ZYG11A: variants seen among roughly 807,000 people sequenced by gnomAD.
The protein encoded by ZYG11A is protein zyg-11 homolog A.
In ZYG11A, 62 loss-of-function variants were observed where a neutral mutation model predicts 77.2. The observed-to-expected ratio is 0.80, with a 90% CI of 0.65 to 0.99. ZYG11A has a LOEUF of 0.99. Among genes scored for constraint, ZYG11A ranks in the 50% least tolerant of loss-of-function variants. The probability of loss-of-function intolerance (pLI) is 0.00; values close to 1 mark genes in which losing one functional copy is unlikely to be tolerated. For synonymous variants in ZYG11A, 315 were observed against 324.6 expected, an observed-to-expected ratio of 0.97 and a Z score of 0.32; for missense variants, 828 against 896.8, an observed-to-expected ratio of 0.92 and a Z score of 0.98.
chr1:52,860,618 A>T, intron 3 of ZYG11A, 113 bp from the exon 4 acceptor site: 1 of 1,176,802 alleles, frequency 8.5e-7, no homozygotes, highest in Non-Finnish European at 1.2e-6. Context: ...CATTTAATTG[A>T]ACATTTGTTG....
chr1:52,843,718 C>A (rs543419841), intron 1 of ZYG11A, among the ~76,000 whole-genome samples: 2 of 139,338 alleles, frequency 1.4e-5, no homozygotes, highest in Admixed American at 7.3e-5. Context: ...GACGGAGTCT[C>A]GCTCTGTCAC....
chr1:52,885,198 C>T (rs997727077), intron 11 of ZYG11A, among the ~76,000 whole-genome samples: 2 of 151,694 alleles, frequency 1.3e-5, no homozygotes, highest in East Asian at 3.9e-4. Flanking sequence ...CATGAGCCAC[C>T]GTGCCCGGCC....
At chr1:52,872,906 A>AAAAG (rs898809226) in intron 8 of ZYG11A, among the ~76,000 whole-genome samples, 1 of 143,616 alleles carries the variant, frequency 7.0e-6, no homozygotes, top group African/African-American at 2.7e-5. Flanking sequence ...AAAAGAAAAG[A>AAAAG]AAAGAAAGAA....
chr1:52,853,368 C>T (rs543229864), intron 1 of ZYG11A, among the ~76,000 whole-genome samples: 6 of 152,280 alleles, frequency 3.9e-5, no homozygotes, highest in Admixed American at 1.3e-4. Flanking sequence ...AGGACCTTGA[C>T]TGTATCACTG....
At position 52,864,033 on chromosome 1, in the gene ZYG11A, C is replaced by T; in HGVS notation, c.1202C>T (p.Thr401Ile). The T allele has an allele frequency of 6.4e-7, 1 of 1,551,806 alleles. No individual in the cohort carries two copies. The highest frequency in any genetic ancestry group is 8.7e-7 in the Non-Finnish European group (1 of 1,147,022). ...CCATTGGATTTGCGAGTGCAGTTCA[C>T]AGCCAGTGCTTGCGCTCTCAACCTA... Reference protein sequence around the residue: ...NHPLDLRVQFTASACALNLTR... With the variant: ...NHPLDLRVQFIASACALNLTR... The change falls in exon 5 of 14, where the codon ACA (threonine) becomes ATA (isoleucine). Residue 401 changes from threonine to isoleucine, a missense_variant. By Grantham distance (89) the Thr-to-Ile change is moderately conservative (BLOSUM62 -1). Coordinates refer to ENST00000371528, the MANE Select transcript of ZYG11A (RefSeq NM_001004339.3).
intron 3 of ZYG11A, among the ~76,000 whole-genome samples, chr1:52,859,568 C>T (rs1353103075): frequency 6.6e-6 from 1 of 151,568 alleles, no homozygotes. Flanking sequence ...ATCTCCTGAC[C>T]TCGTGATCTG....
intron 3 of ZYG11A, among the ~76,000 whole-genome samples, chr1:52,860,149 G>A (rs181083916): frequency 2.4e-4 from 37 of 152,278 alleles, no homozygotes; most frequent in African/African-American, 8.4e-4. Flanking sequence ...TGGTATTTTA[G>A]TTGGGATTGC....
At chr1:52,849,974 A>G (rs533033676) in intron 1 of ZYG11A, among the ~76,000 whole-genome samples, 4 of 152,108 alleles carry the variant, frequency 2.6e-5, no homozygotes, top group Non-Finnish European at 4.4e-5. Flanking sequence ...GTGAGCCACC[A>G]CACCTGGCCT....
chr1:52,843,990 G>C (rs1645511496), intron 1 of ZYG11A, among the ~76,000 whole-genome samples: 1 of 152,002 alleles, frequency 6.6e-6, no homozygotes. Flanking sequence ...CCGGCCAAGT[G>C]TCGCCTTTCT....
intron 11 of ZYG11A, among the ~76,000 whole-genome samples, chr1:52,884,504 A>C (rs1646414292): frequency 6.6e-6 from 1 of 151,608 alleles, no homozygotes; most frequent in Non-Finnish European, 1.5e-5. Flanking sequence ...AAAAAAAAAA[A>C]AAAGCCGGGC....
At chr1:52,889,859 C>T (rs780957184) in intron 13 of ZYG11A, among the ~76,000 whole-genome samples, 2 of 151,598 alleles carry the variant, frequency 1.3e-5, no homozygotes, top group African/African-American at 4.8e-5. Context: ...CTACAGGCGC[C>T]CGCCACCATG....
At chr1:52,889,799 C>T (rs1646509379) in intron 13 of ZYG11A, among the ~76,000 whole-genome samples, 1 of 151,428 alleles carries the variant, frequency 6.6e-6, no homozygotes. Context: ...GCAAGCTCTG[C>T]CTCCCGGGTT....
chr1:52,872,192 C>T (rs1327506310), intron 8 of ZYG11A, among the ~76,000 whole-genome samples: 3 of 152,164 alleles, frequency 2.0e-5, no homozygotes, highest in Non-Finnish European at 4.4e-5. Context: ...ACCTCCACCT[C>T]CTGAGTTCAA....
At chr1:52,892,323 C>G (rs1234737168) in intron 13 of ZYG11A, among the ~76,000 whole-genome samples, 1 of 148,256 alleles carries the variant, frequency 6.7e-6, no homozygotes, top group Non-Finnish European at 1.5e-5. Flanking sequence ...GTCAGGAGAT[C>G]GAGACCATCC....
At chr1:52,876,131 T>A (rs1646257243) in intron 8 of ZYG11A, among the ~76,000 whole-genome samples, 3 of 152,140 alleles carry the variant, frequency 2.0e-5, no homozygotes. Flanking sequence ...GTGATTCAAG[T>A]TTGAGGAGAG....
At position 52,885,911 on chromosome 1, in the gene ZYG11A, G is replaced by C; in HGVS notation, c.2006+17G>C. 3 of 1,506,910 alleles carry C rather than the reference G, an allele frequency of 2.0e-6. No individual in the cohort carries two copies. In the South Asian group the frequency reaches 3.9e-5, roughly 20 times the overall value. 93.3% of individuals were successfully genotyped at this position (1,506,910 alleles called of 1,614,324 possible). On this transcript the variant is annotated intron_variant, in intron 12 of 13. Coordinates refer to ENST00000371528, the MANE Select transcript of ZYG11A (RefSeq NM_001004339.3). Reference sequence around the variant, plus strand: ...GACCTATAGGTAATTTCATGGTGTTGTGCTTTTCTTCTTTTTTTTTTCTTC... The same window carrying C: ...GACCTATAGGTAATTTCATGGTGTTCTGCTTTTCTTCTTTTTTTTTTCTTC...
At chr1:52,852,877 T>C (rs1373985614) in intron 1 of ZYG11A, among the ~76,000 whole-genome samples, 1 of 152,234 alleles carries the variant, frequency 6.6e-6, no homozygotes, top group African/African-American at 2.4e-5. Flanking sequence ...CATTTCATTA[T>C]AGTGTTGAAT....
At chr1:52,870,205 C>T (rs1646129218) in intron 8 of ZYG11A, among the ~76,000 whole-genome samples, 1 of 65,610 alleles carries the variant, frequency 1.5e-5, no homozygotes, top group South Asian at 6.5e-4. Flanking sequence ...GGAAGAGACG[C>T]TCGTCACTTC....
intron 8 of ZYG11A, among the ~76,000 whole-genome samples, chr1:52,870,596 C>G (rs1025609939): frequency 1.3e-5 from 2 of 152,232 alleles, no homozygotes; most frequent in African/African-American, 4.8e-5. Context: ...AACGAGACTC[C>G]ATCTGCCATC....
Sources: allele counts gnomAD v4.1 joint callset (sites outside exome capture counted in the v4.1 genomes callset), GRCh38; gene constraint gnomAD v4.1.1; transcripts MANE v1.5; gene names NCBI Gene and HGNC (gene_info 2026-07-23, HGNC 2026-07-21).